Variants in KIRREL3 observed in about 807,000 individuals in gnomAD.
The protein encoded by KIRREL3 is kin of IRRE-like protein 3.
A neutral mutation model predicts 89.7 loss-of-function variants in KIRREL3; 36 were observed. The ratio of observed to expected loss-of-function variants is 0.40; its 90% CI spans 0.31 to 0.53. The LOEUF is 0.53. KIRREL3 is among the 20% of genes least tolerant of loss of function. The pLI, the probability that KIRREL3 is intolerant of heterozygous loss-of-function variation, is 0.49. For missense variants in KIRREL3, 864 were observed against 1,056.6 expected (o/e 0.82, Z 2.53); for synonymous variants, 445 against 441.4 (o/e 1.01, Z -0.10).
chr11:126,574,577 A>G lies in KIRREL3; in HGVS notation c.56-11665T>C, dbSNP rs2134639855. Among the ~76,000 whole-genome samples the G allele has an allele frequency of 6.6e-6, 1 of 152,302 alleles. No homozygotes were observed. The highest frequency in any genetic ancestry group is 2.4e-5 in the African/African-American group (1 of 41,572). On this transcript the variant is annotated intron_variant, in intron 1 of 16. Transcript: ENST00000525144. The surrounding 1 kb of genome is among the most constrained non-coding windows in gnomAD (Gnocchi z 5.3). ...ATGCCAAGGACTGCACAGACCCTGC[A>G]CGTCAATAGCTGAGCCCCAGAGAAG...
In KIRREL3 at chr11:126,724,314, C is replaced by G. The variant is rs1948292237; in HGVS notation, c.56-161402G>C. Reference sequence around the variant, plus strand: ...AACACCTGTGCTGTAATATGCTAACCTGATCCTAAGACAGGCCCCAACTAG... The same window carrying G: ...AACACCTGTGCTGTAATATGCTAACGTGATCCTAAGACAGGCCCCAACTAG... On this transcript the variant is annotated intron_variant, in intron 1 of 16. Transcript: ENST00000525144. The surrounding 1 kb of genome is among the most constrained non-coding windows in gnomAD (Gnocchi z 4.3). Among the ~76,000 whole-genome samples, 1 of 152,208 alleles carries G rather than the reference C, an allele frequency of 6.6e-6. No homozygotes were observed. The highest frequency in any genetic ancestry group is 1.5e-5 in the Non-Finnish European group (1 of 68,036).
rs542165580 is a variant in KIRREL3 at position 126,990,677 on chromosome 11, G to C, written c.55+9778C>G. 1.1e-3 allele frequency among the ~76,000 whole-genome samples: 169 copies of C among 152,346 alleles called. 2 individuals are homozygous for C. The South Asian group carries it at 0.034, about 31-fold the overall frequency. On this transcript the variant is annotated intron_variant, in intron 1 of 16. Transcript: ENST00000525144. This position sits in a 1 kb window ranked among gnomAD's most constrained non-coding sequence, Gnocchi z 6.3. ...TGCCTCCGCAGTTGCCCCTCACTCAGGTGCAGCTTCCTATGTAAGAAAAAG... is the reference window on the plus strand; with the variant it reads ...TGCCTCCGCAGTTGCCCCTCACTCACGTGCAGCTTCCTATGTAAGAAAAAG...
At chr11:126,621,239 AG>A in intron 1 of KIRREL3, among the ~76,000 whole-genome samples, 1 of 152,304 alleles carries the variant, frequency 6.6e-6, no homozygotes, top group African/African-American at 2.4e-5. Flanking sequence ...GGGGATGGGG[AG>A]AACCCCTTTT....
At position 126,898,546 on chromosome 11, in the gene KIRREL3, C is replaced by A. The variant is rs942150470; in HGVS notation, c.55+101909G>T. Among the ~76,000 whole-genome samples, 1 of 152,110 alleles carries A rather than the reference C, an allele frequency of 6.6e-6. No individual in the cohort carries two copies. The highest frequency in any genetic ancestry group is 1.5e-5 in the Non-Finnish European group (1 of 68,002). On this transcript the variant is annotated intron_variant, in intron 1 of 16. Transcript: ENST00000525144. The surrounding 1 kb of genome is among the most constrained non-coding windows in gnomAD (Gnocchi z 4.9). The stretch of plus-strand genomic sequence containing the variant: ...TGAAGTGGGCAGATACCTAACAATA[C>A]GAACAATTCCTAAAAGCAGCGTTAG...
chr11:126,807,802 T>C lies in KIRREL3; in HGVS notation c.55+192653A>G, dbSNP rs1261538597. Among the ~76,000 whole-genome samples the C allele has an allele frequency of 6.6e-6, 1 of 152,230 alleles. No individual in the cohort carries two copies. The highest frequency in any genetic ancestry group is 1.5e-5 in the Non-Finnish European group (1 of 68,042). On this transcript the variant is annotated intron_variant, in intron 1 of 16. Coordinates refer to ENST00000525144, the MANE Select transcript of KIRREL3 (RefSeq NM_032531.4). This position sits in a 1 kb window ranked among gnomAD's most constrained non-coding sequence, Gnocchi z 4.3. ...GGGTGCTGCTGATGGCTATCGCTGA[T>C]GTAGTGTTTACCCACTACCAGGCAC...
intron 4 of KIRREL3, among the ~76,000 whole-genome samples, chr11:126,511,047 C>CTGTATGTGTGTG (rs1958202733): frequency 7.0e-6 from 1 of 142,170 alleles, no homozygotes; most frequent in South Asian, 2.2e-4. Flanking sequence ...ATCTGCAGTG[C>CTGTATGTGTGTG]TGTGTGTGTG....
At chr11:126,456,650 C>G (rs756948610) in intron 6 of KIRREL3, among the ~76,000 whole-genome samples, 196 bp from the exon 7 acceptor site, 3 of 152,220 alleles carry the variant, frequency 2.0e-5, no homozygotes, top group Non-Finnish European at 4.4e-5. Flanking sequence ...GGAACAGGGC[C>G]TCCCCGTGGA....
Position 126,640,872 on chromosome 11 carries a change from T to A in KIRREL3, c.56-77960A>T, listed in dbSNP as rs1207740857. ...TGACCTTCATATTGGAGTCCTTGGA[T>A]CTCTTCTCAATCTTATGGCTTTAAA... On this transcript the variant is annotated intron_variant, in intron 1 of 16. Transcript: ENST00000525144. This position sits in a 1 kb window ranked among gnomAD's most constrained non-coding sequence, Gnocchi z 4.9. Among the ~76,000 whole-genome samples, 1 of 152,096 alleles carries A rather than the reference T, an allele frequency of 6.6e-6. No individual in the cohort carries two copies. The highest frequency in any genetic ancestry group is 1.5e-5 in the Non-Finnish European group (1 of 68,018).
Position 126,788,094 on chromosome 11 carries a change from T to C in KIRREL3, c.55+212361A>G, listed in dbSNP as rs1189000831. ...TAGCCCGGCTCTGGAGCCCATACTC[T>C]TAGCCACGACAATATTCCGCCTCCC... On this transcript the variant is annotated intron_variant, in intron 1 of 16. Coordinates refer to ENST00000525144, the MANE Select transcript of KIRREL3 (RefSeq NM_032531.4). This position sits in a 1 kb window ranked among gnomAD's most constrained non-coding sequence, Gnocchi z 4.1. 1.3e-5 allele frequency among the ~76,000 whole-genome samples: 2 copies of C among 152,204 alleles called. No individual in the cohort carries two copies.
chr11:126,672,038 G>C (rs1945973806), intron 1 of KIRREL3, among the ~76,000 whole-genome samples: 1 of 152,204 alleles, frequency 6.6e-6, no homozygotes, highest in East Asian at 1.9e-4. Flanking sequence ...TTCTCCAGTA[G>C]GTGAATGGGT....
rs1950270449 is a variant in KIRREL3 at position 126,999,774 on chromosome 11, C to T, written c.55+681G>A. 6.6e-6 allele frequency among the ~76,000 whole-genome samples: 1 copy of T among 152,176 alleles called. No homozygotes were observed. Among genetic ancestry groups the T allele is most frequent in the African/African-American group, 2.4e-5 (1 of 41,442 alleles). Reference sequence around the variant, plus strand: ...CGGAGAGTCCACCTGCTTCTCTGCCCCTGCTAGGCTGCAGAAAGGAAACCA... The same window carrying T: ...CGGAGAGTCCACCTGCTTCTCTGCCTCTGCTAGGCTGCAGAAAGGAAACCA... On this transcript the variant is annotated intron_variant, in intron 1 of 16. Transcript: ENST00000525144. This position sits in a 1 kb window ranked among gnomAD's most constrained non-coding sequence, Gnocchi z 5.7.
intron 1 of KIRREL3, among the ~76,000 whole-genome samples, chr11:126,700,766 C>T (rs945979794): frequency 6.6e-6 from 1 of 152,276 alleles, no homozygotes; most frequent in South Asian, 2.1e-4. Flanking sequence ...CTCTCCCCAC[C>T]CCATAATGTG....
intron 2 of KIRREL3, among the ~76,000 whole-genome samples, chr11:126,559,391 G>T (rs1939943302): frequency 6.6e-6 from 1 of 152,224 alleles, no homozygotes; most frequent in Admixed American, 6.5e-5. Context: ...ACTGGGCGAA[G>T]GCCCAGGGAG....
Position 126,971,038 on chromosome 11 carries a change from G to A in KIRREL3, c.55+29417C>T, listed in dbSNP as rs146184367. ...CTTTTCCATTTTCCTTTTATTTATT[G>A]TTCCCCACTCTCAACAGTGTTTGCC... On this transcript the variant is annotated intron_variant, in intron 1 of 16. Transcript: ENST00000525144. Among the ~76,000 whole-genome samples the A allele has an allele frequency of 8.5e-3, 1,293 of 152,136 alleles. 11 individuals carry two copies. Among genetic ancestry groups the A allele is most frequent in the Middle Eastern group, 0.017 (5 of 294 alleles).
At chr11:126,824,209 G>C (rs754689735) in intron 1 of KIRREL3, among the ~76,000 whole-genome samples, 10 of 152,180 alleles carry the variant, frequency 6.6e-5, no homozygotes, top group Admixed American at 1.3e-4. Context: ...AGGCATCCCA[G>C]CAGGAGGGAG....
rs1940808651 is a variant in KIRREL3, at chr11:126,570,070, T to C, written c.56-7158A>G. ...TCATAAAGAGGACTGAAGAGTGGAGTAGCAAAGGTATATTAATCCTGACTA... is the reference window on the plus strand; with the variant it reads ...TCATAAAGAGGACTGAAGAGTGGAGCAGCAAAGGTATATTAATCCTGACTA... On this transcript the variant is annotated intron_variant, in intron 1 of 16. Transcript: ENST00000525144. This position sits in a 1 kb window ranked among gnomAD's most constrained non-coding sequence, Gnocchi z 6.1. Among the ~76,000 whole-genome samples the C allele has an allele frequency of 6.6e-6, 1 of 152,048 alleles. No homozygotes were observed. The highest frequency in any genetic ancestry group is 1.5e-5 in the Non-Finnish European group (1 of 68,016).
chr11:126,996,042 C>G lies in KIRREL3; in HGVS notation c.55+4413G>C, dbSNP rs537888400. Among the ~76,000 whole-genome samples the G allele has an allele frequency of 2.7e-4, 41 of 152,286 alleles. No homozygotes were observed. Among genetic ancestry groups the G allele is most frequent in the Admixed American group, 1.2e-3 (18 of 15,310 alleles). On this transcript the variant is annotated intron_variant, in intron 1 of 16. Transcript: ENST00000525144. This position sits in a 1 kb window ranked among gnomAD's most constrained non-coding sequence, Gnocchi z 4.7. ...TTGACCCCACCCCACTCGTCCTCCC[C>G]CTAGGGACTTTCTTTTCCATCCTCA...
rs1950060244 is a variant in KIRREL3, at chr11:126,772,871, G to A, written c.56-209959C>T. Among the ~76,000 whole-genome samples, 1 of 152,114 alleles carries A rather than the reference G, an allele frequency of 6.6e-6. No homozygotes were observed. Among genetic ancestry groups the A allele is most frequent in the Non-Finnish European group, 1.5e-5 (1 of 68,038 alleles). On this transcript the variant is annotated intron_variant, in intron 1 of 16. Transcript: ENST00000525144. This position sits in a 1 kb window ranked among gnomAD's most constrained non-coding sequence, Gnocchi z 4.6. ...ACTGCATCTGGATCTTCATAATTTGGCCAGAAACCTGCTTGGCCAACAATC... is the reference window on the plus strand; with the variant it reads ...ACTGCATCTGGATCTTCATAATTTGACCAGAAACCTGCTTGGCCAACAATC...
intron 1 of KIRREL3, among the ~76,000 whole-genome samples, chr11:126,902,311 T>C (rs907519884): frequency 2.6e-5 from 4 of 152,210 alleles, no homozygotes; most frequent in Admixed American, 6.5e-5. Flanking sequence ...CACTTTCGTG[T>C]CTTTGTTATA....
Sources: gnomAD v4.1 joint callset for allele counts (sites outside exome capture counted in the v4.1 genomes callset) on GRCh38, gnomAD v4.1.1 for gene constraint, Gnocchi (gnomAD v3.1) non-coding constraint, MANE v1.5 for transcripts, NCBI Gene and HGNC (gene_info 2026-07-23, HGNC 2026-07-21) for gene names.